MTMR7: variants seen among roughly 807,000 people sequenced by gnomAD.
MTMR7 encodes the protein myotubularin related protein 7.
Under a neutral mutation model 81.2 loss-of-function variants are expected in MTMR7, and 76 were observed. The ratio of observed to expected loss-of-function variants is 0.94; its 90% CI spans 0.78 to 1.13. The LOEUF (loss-of-function observed/expected upper bound fraction) is 1.13, where lower values mean the gene tolerates loss of function less well. Ranked by LOEUF, MTMR7 falls within the 50% of genes most tolerant of loss-of-function variation. The pLI is 0.00. For synonymous variants in MTMR7, 372 were observed against 289.8 expected (o/e 1.28, Z -2.88); for missense variants, 1,044 against 820.0 (o/e 1.27, Z -3.34).
chr8:17,340,244 C>T (rs138602305), intron 6 of MTMR7, among the ~76,000 whole-genome samples: 3 of 152,340 alleles, frequency 2.0e-5, no homozygotes, highest in African/African-American at 4.8e-5. Context: ...CAAGCCACTG[C>T]GCCCAGCCCC....
intron 1 of MTMR7, among the ~76,000 whole-genome samples, chr8:17,407,874 T>C (rs1821632792): frequency 6.6e-6 from 1 of 152,234 alleles, no homozygotes. Context: ...GCTGACAGTA[T>C]ACTGACAGTG....
In MTMR7 at chr8:17,362,325, C is replaced by T. The variant is rs144546329; in HGVS notation, c.311-1051G>A. Among the ~76,000 whole-genome samples the T allele has an allele frequency of 5.6e-3, 851 of 152,272 alleles. 10 individuals are homozygous for T. The highest frequency in any genetic ancestry group is 0.019 in the African/African-American group (805 of 41,548). On this transcript the variant is annotated intron_variant, in intron 3 of 13. Coordinates refer to ENST00000180173, the MANE Select transcript of MTMR7 (RefSeq NM_004686.5). ...AACCGCATACCTCAGTTTGCAGTAG[C>T]GCTGAACAGCTATCTGTGGCCAGTG...
At chr8:17,300,585 G>A (rs929884151) in intron 13 of MTMR7, among the ~76,000 whole-genome samples, 8 of 152,138 alleles carry the variant, frequency 5.3e-5, no homozygotes, top group African/African-American at 1.9e-4. Flanking sequence ...TGAATGAAGT[G>A]TTTATCATCT....
At chr8:17,331,981 C>A (rs1819024827) in intron 6 of MTMR7, among the ~76,000 whole-genome samples, 1 of 152,184 alleles carries the variant, frequency 6.6e-6, no homozygotes, top group Non-Finnish European at 1.5e-5. Flanking sequence ...ACAGTGGTAT[C>A]TGAAGAAGTT....
chr8:17,397,260 C>G (rs11988130), intron 1 of MTMR7, among the ~76,000 whole-genome samples: 1 of 151,920 alleles, frequency 6.6e-6, no homozygotes, highest in Non-Finnish European at 1.5e-5. Context: ...TAGAGTATCA[C>G]GTGGTCCCTT....
At chr8:17,303,775 A>G (rs1817278883) in intron 12 of MTMR7, among the ~76,000 whole-genome samples, 3 of 152,008 alleles carry the variant, frequency 2.0e-5, no homozygotes. Context: ...ATGCCCAGCT[A>G]ATTTTTGTAT....
chr8:17,409,881 C>A (rs1249325543), intron 1 of MTMR7, among the ~76,000 whole-genome samples: 1 of 152,174 alleles, frequency 6.6e-6, no homozygotes, highest in Non-Finnish European at 1.5e-5. Context: ...CAGAAAAGAA[C>A]TGGTCCCACT....
chr8:17,351,536 G>A (rs1045408838), intron 4 of MTMR7, among the ~76,000 whole-genome samples: 1 of 152,218 alleles, frequency 6.6e-6, no homozygotes, highest in Non-Finnish European at 1.5e-5. Context: ...GCAGAGTAGA[G>A]GTATGTAGAT....
At chr8:17,319,584 C>T (rs1461147566) in intron 7 of MTMR7, among the ~76,000 whole-genome samples, 1 of 152,192 alleles carries the variant, frequency 6.6e-6, no homozygotes, top group African/African-American at 2.4e-5. Flanking sequence ...GTGACACTTA[C>T]ATACCAGGTA....
intron 6 of MTMR7, among the ~76,000 whole-genome samples, chr8:17,338,156 G>A (rs1032414802): frequency 6.6e-6 from 1 of 152,200 alleles, no homozygotes; most frequent in Non-Finnish European, 1.5e-5. Context: ...TGCGTGCATG[G>A]ATAAATATGA....
chr8:17,380,367 T>A (rs145604030), intron 1 of MTMR7, among the ~76,000 whole-genome samples: 76 of 152,242 alleles, frequency 5.0e-4, no homozygotes, highest in Middle Eastern at 3.4e-3. Flanking sequence ...ACCCCCTGAA[T>A]TATAGGTTCT....
At chr8:17,370,656 T>G (rs1820390951) in intron 3 of MTMR7, among the ~76,000 whole-genome samples, 1 of 150,254 alleles carries the variant, frequency 6.7e-6, no homozygotes, top group African/African-American at 2.5e-5. Context: ...GCGCTAGAAC[T>G]GTCTGATAAC....
chr8:17,368,599 T>A (rs1276810025), intron 3 of MTMR7, among the ~76,000 whole-genome samples: 2 of 152,144 alleles, frequency 1.3e-5, no homozygotes, highest in African/African-American at 2.4e-5. Flanking sequence ...GTCTAACCCC[T>A]TCCACATTTC....
At chr8:17,381,510 C>G (rs902896915) in intron 1 of MTMR7, among the ~76,000 whole-genome samples, 40 of 152,140 alleles carry the variant, frequency 2.6e-4, no homozygotes, top group African/African-American at 9.7e-4. Flanking sequence ...CCAGAATCAT[C>G]TCAGACTATT....
At chr8:17,388,755 G>A (rs1318905500) in intron 1 of MTMR7, among the ~76,000 whole-genome samples, 1 of 152,122 alleles carries the variant, frequency 6.6e-6, no homozygotes, top group East Asian at 1.9e-4. Context: ...CAAGTCTCAT[G>A]CTCTCCCTCC....
chr8:17,319,269 T>A (rs1323809997), intron 7 of MTMR7, among the ~76,000 whole-genome samples: 2 of 152,176 alleles, frequency 1.3e-5, no homozygotes, highest in African/African-American at 4.8e-5. Context: ...AAAAACACCT[T>A]CCTCAAACAG....
At chr8:17,387,688 G>T (rs1320858352) in intron 1 of MTMR7, among the ~76,000 whole-genome samples, 1 of 152,296 alleles carries the variant, frequency 6.6e-6, no homozygotes, top group Non-Finnish European at 1.5e-5. Flanking sequence ...CATTTCTACA[G>T]ATTTTGGAGC....
intron 1 of MTMR7, among the ~76,000 whole-genome samples, chr8:17,406,990 T>C (rs1821603975): frequency 6.6e-6 from 1 of 152,142 alleles, no homozygotes; most frequent in African/African-American, 2.4e-5. Flanking sequence ...CCAATGGGTA[T>C]AGTGTTTCTC....
intron 1 of MTMR7, among the ~76,000 whole-genome samples, chr8:17,385,751 A>T (rs7004626): frequency 6.6e-6 from 1 of 152,232 alleles, no homozygotes; most frequent in Non-Finnish European, 1.5e-5. Context: ...TGCTCCTACC[A>T]TGTAAGAAGT....
Sources: gnomAD v4.1 joint callset for allele counts (sites outside exome capture counted in the v4.1 genomes callset) on GRCh38, gnomAD v4.1.1 for gene constraint, MANE v1.5 for transcripts, NCBI Gene and HGNC (gene_info 2026-07-23, HGNC 2026-07-21) for gene names.